The following MAMDC2 variants were observed in gnomAD, a reference collection of about 807,000 sequenced individuals.
MAMDC2 encodes the protein MAM domain-containing protein 2.
MAMDC2 carries 57 observed loss-of-function variants against 89.8 expected under a neutral mutation model. That is an observed-to-expected ratio of 0.63 (90% CI 0.51 to 0.79). The LOEUF is 0.79. Among genes scored for constraint, MAMDC2 ranks in the 30% least tolerant of loss-of-function variants. The pLI is 0.00. For synonymous variants in MAMDC2, 313 were observed against 293.4 expected, an observed-to-expected ratio of 1.07 and a Z score of -0.68; for missense variants, 800 against 820.6, an observed-to-expected ratio of 0.97 and a Z score of 0.31.
intron 12 of MAMDC2, among the ~76,000 whole-genome samples, chr9:70,223,132 CAAAAAAAAAAAAAA>C (rs57177475): frequency 4.1e-4 from 49 of 119,080 alleles, no homozygotes; most frequent in African/African-American, 1.2e-3. Flanking sequence ...GACTCTGTCT[CAAAAAAAAAAAAAA>C]AAAAAAAAAA....
At chr9:70,178,321 G>A (rs2032558848) in intron 11 of MAMDC2, among the ~76,000 whole-genome samples, 1 of 152,154 alleles carries the variant, frequency 6.6e-6, no homozygotes, top group Non-Finnish European at 1.5e-5. Context: ...AAGGGGCAGA[G>A]AGAGGGTAAG....
chr9:70,070,229 A>G (rs1043259892), intron 2 of MAMDC2, among the ~76,000 whole-genome samples: 10 of 152,194 alleles, frequency 6.6e-5, no homozygotes, highest in African/African-American at 2.4e-4. Context: ...TCTTTATCCT[A>G]TGGAAGACTG....
rs530056585 is a variant in MAMDC2, at chr9:70,183,035, C to G, written c.1651+12404C>G. Among the ~76,000 whole-genome samples the G allele has an allele frequency of 5.9e-5, 9 of 152,334 alleles. No individual in the cohort carries two copies. The East Asian group carries it at 1.5e-3, about 26-fold the overall frequency. On this transcript the variant is annotated intron_variant, in intron 11 of 13. Transcript: ENST00000377182. Reference sequence around the variant, plus strand: ...CTGCTTTGGCTGTGTCCCAGAGATTCTGGTACATTGTGTCTTTGTTCTCAT... The same window carrying G: ...CTGCTTTGGCTGTGTCCCAGAGATTGTGGTACATTGTGTCTTTGTTCTCAT...
intron 11 of MAMDC2, among the ~76,000 whole-genome samples, chr9:70,204,074 T>C (rs2033164958): frequency 6.6e-6 from 1 of 151,990 alleles, no homozygotes. Context: ...TCATTCTCCA[T>C]CCAGCTTTGT....
At chr9:70,174,134 A>C (rs1321361435) in intron 11 of MAMDC2, among the ~76,000 whole-genome samples, 1 of 152,206 alleles carries the variant, frequency 6.6e-6, no homozygotes, top group Non-Finnish European at 1.5e-5. Context: ...AAGATATAAA[A>C]CATACTTAGA....
At chr9:70,108,558 C>T (rs1828409379) in intron 3 of MAMDC2, 76 bp downstream of exon 3, 2 of 1,347,042 alleles carry the variant, frequency 1.5e-6, no homozygotes. Flanking sequence ...ATGAAAACTT[C>T]TGACATGGAG....
At chr9:70,131,199 T>C (rs562170580) in intron 6 of MAMDC2, among the ~76,000 whole-genome samples, 90 of 152,214 alleles carry the variant, frequency 5.9e-4, no homozygotes, top group African/African-American at 2.0e-3. Context: ...AGGGTACCAA[T>C]CCCATTCCAA....
chr9:70,118,157 T>A (rs991339651), intron 5 of MAMDC2, among the ~76,000 whole-genome samples: 4 of 149,614 alleles, frequency 2.7e-5, no homozygotes, highest in African/African-American at 1.0e-4. Flanking sequence ...GAGGAACCCC[T>A]GAGTTCCAGG....
intron 7 of MAMDC2, among the ~76,000 whole-genome samples, chr9:70,135,801 A>G (rs981870074): frequency 6.6e-6 from 1 of 152,190 alleles, no homozygotes; most frequent in Admixed American, 6.6e-5. Flanking sequence ...GGACAAATGT[A>G]TAATGACATG....
intron 2 of MAMDC2, chr9:70,105,943 C>T (rs1381083192): frequency 1.3e-5 from 2 of 152,220 alleles, no homozygotes; most frequent in Non-Finnish European, 2.9e-5. Flanking sequence ...GGAGCCTGCA[C>T]TTTCTTTGGT....
intron 11 of MAMDC2, among the ~76,000 whole-genome samples, chr9:70,213,441 A>C (rs1426355279): frequency 6.6e-6 from 1 of 152,136 alleles, no homozygotes; most frequent in Non-Finnish European, 1.5e-5. Context: ...TTTTAAGCTA[A>C]ATGTATTAGG....
intron 2 of MAMDC2, among the ~76,000 whole-genome samples, chr9:70,049,380 T>C (rs1199046049): frequency 6.6e-6 from 1 of 152,044 alleles, no homozygotes; most frequent in Admixed American, 6.5e-5. Context: ...GTGCCAGTTA[T>C]TATTAACAGT....
At chr9:70,093,902 C>T (rs1278609684) in intron 2 of MAMDC2, 1 of 152,168 alleles carries the variant, frequency 6.6e-6, no homozygotes, top group Non-Finnish European at 1.5e-5. Context: ...TAAAGTGAAG[C>T]TCCCTTTCCA....
At chr9:70,060,773 G>A (rs777869449) in intron 2 of MAMDC2, among the ~76,000 whole-genome samples, 1 of 152,118 alleles carries the variant, frequency 6.6e-6, no homozygotes, top group African/African-American at 2.4e-5. Flanking sequence ...TCTGTGGCTA[G>A]GTCTTCCCAG....
At chr9:70,168,457 A>C (rs2032234165) in intron 9 of MAMDC2, among the ~76,000 whole-genome samples, 1 of 152,158 alleles carries the variant, frequency 6.6e-6, no homozygotes, top group Non-Finnish European at 1.5e-5. Context: ...GTACCACTAC[A>C]CTCCAGCCTT....
At chr9:70,134,773 T>C (rs2030943451) in intron 7 of MAMDC2, among the ~76,000 whole-genome samples, 1 of 152,204 alleles carries the variant, frequency 6.6e-6, no homozygotes, top group Non-Finnish European at 1.5e-5. Flanking sequence ...GCCTAGTCGG[T>C]GACTCTGGCC....
intron 2 of MAMDC2, among the ~76,000 whole-genome samples, chr9:70,046,249 C>G (rs1225109760): frequency 6.6e-6 from 1 of 152,196 alleles, no homozygotes; most frequent in Non-Finnish European, 1.5e-5. Context: ...GCTGATGATG[C>G]TGGTCTCGGG....
intron 7 of MAMDC2, among the ~76,000 whole-genome samples, chr9:70,133,341 G>A (rs1162450319): frequency 6.6e-6 from 1 of 152,176 alleles, no homozygotes; most frequent in Non-Finnish European, 1.5e-5. Context: ...GAATTTGTGT[G>A]AGCTCTTTCC....
At chr9:70,106,206 G>T (rs578257868) in intron 2 of MAMDC2, among the ~76,000 whole-genome samples, 1 of 152,324 alleles carries the variant, frequency 6.6e-6, no homozygotes, top group East Asian at 1.9e-4. Context: ...CCTTTCTGGA[G>T]TGGGGAAAGG....
Sources: gnomAD v4.1 joint callset for allele counts (sites outside exome capture counted in the v4.1 genomes callset) on GRCh38, gnomAD v4.1.1 for gene constraint, MANE v1.5 for transcripts, NCBI Gene and HGNC (gene_info 2026-07-23, HGNC 2026-07-21) for gene names.